Variants in THRB observed in about 807,000 individuals in gnomAD.
The protein encoded by THRB is thyroid hormone receptor beta, also known as nuclear receptor subfamily 1 group A member 2.
In THRB, 12 loss-of-function variants were observed where a neutral mutation model predicts 47.8. The observed-to-expected ratio is 0.25, with a 90% confidence interval of 0.16 to 0.41. THRB has a LOEUF of 0.41. THRB is among the 10% of genes least tolerant of loss of function. The pLI is 1.00. For missense variants in THRB, 348 were observed against 589.2 expected (o/e 0.59, Z 4.24); for synonymous variants, 218 against 212.2 (o/e 1.03, Z -0.24).
At chr3:24,358,801 C>T (rs17014565) in intron 1 of THRB, among the ~76,000 whole-genome samples, 2,020 of 152,202 alleles carry the variant, frequency 0.013, 44 homozygotes, top group African/African-American at 0.043. Flanking sequence ...CTGAACCAGT[C>T]AATCCACTGT....
intron 5 of THRB, among the ~76,000 whole-genome samples, chr3:24,155,948 T>C (rs1345167133): frequency 6.6e-6 from 1 of 152,202 alleles, no homozygotes; most frequent in African/African-American, 2.4e-5. Flanking sequence ...AGTTCAAAAA[T>C]GATATATTTC....
intron 3 of THRB, among the ~76,000 whole-genome samples, chr3:24,238,433 A>ATTCT (rs2049137949): frequency 3.9e-5 from 6 of 152,176 alleles, no homozygotes; most frequent in Non-Finnish European, 7.3e-5. Context: ...ACTGAGACAC[A>ATTCT]TGCATGAAAA....
intron 3 of THRB, among the ~76,000 whole-genome samples, chr3:24,233,560 G>GAAGGAAGGAAGGAAGA (rs1553658178): frequency 1.3e-5 from 1 of 77,302 alleles, no homozygotes; most frequent in Middle Eastern, 6.8e-3. Flanking sequence ...AAAGAAAAAG[G>GAAGGAAGGAAGGAAGA]AAGAAAGAAA....
At chr3:24,489,886 C>T (rs916965857) in intron 1 of THRB, among the ~76,000 whole-genome samples, 1 of 152,166 alleles carries the variant, frequency 6.6e-6, no homozygotes, top group African/African-American at 2.4e-5. Context: ...GGAGAATGAA[C>T]ATTTTAAATC....
rs1043138169 is a variant in THRB, at chr3:24,274,294, T to C, written c.-43+22932A>G. Among the ~76,000 whole-genome samples the C allele has an allele frequency of 3.9e-5, 6 of 152,218 alleles. No individual in the cohort carries two copies. The South Asian group carries it at 1.2e-3, about 31-fold the overall frequency. On this transcript the variant is annotated intron_variant, in intron 3 of 10. Coordinates refer to ENST00000646209, the MANE Select transcript of THRB (RefSeq NM_001354712.2). ...ACAGGCCTAATAATGGTATATACTA[T>C]ATTGAAATACTGTTTATATGGACTT...
chr3:24,254,398 AAAAAG>A lies in THRB; in HGVS notation c.-42-25402_-42-25398del, dbSNP rs1434274881. On this transcript the variant is annotated intron_variant, in intron 3 of 10. Coordinates refer to ENST00000646209, the MANE Select transcript of THRB (RefSeq NM_001354712.2). ...GAGGGAGACTCCATCTTAAAAAAAA[AAAAAG>A]AAAAGAAAACCAAATTTACCTTCCA... is the stretch of plus-strand genomic sequence containing the variant. Among the ~76,000 whole-genome samples the A allele has an allele frequency of 1.3e-4, 19 of 151,730 alleles. 1 individual carries two copies. Among genetic ancestry groups the A allele is most frequent in the Admixed American group, 8.5e-4 (13 of 15,218 alleles).
chr3:24,330,528 C>T (rs928507838), intron 2 of THRB, among the ~76,000 whole-genome samples: 15 of 152,132 alleles, frequency 9.9e-5, no homozygotes, highest in African/African-American at 3.6e-4. Flanking sequence ...CACTACCAAC[C>T]CATCTCTCTC....
At chr3:24,330,343 G>T (rs2061848039) in intron 2 of THRB, among the ~76,000 whole-genome samples, 1 of 152,190 alleles carries the variant, frequency 6.6e-6, no homozygotes, top group Non-Finnish European at 1.5e-5. Context: ...TCATTTCAAG[G>T]GTTCAAATCA....
At chr3:24,266,932 G>C (rs1204387551) in intron 3 of THRB, among the ~76,000 whole-genome samples, 1 of 151,700 alleles carries the variant, frequency 6.6e-6, no homozygotes, top group Admixed American at 6.6e-5. Context: ...GGAGGAGAGA[G>C]GTGGAGGAGA....
At chr3:24,195,764 C>A (rs1559566520) in intron 4 of THRB, among the ~76,000 whole-genome samples, 1 of 152,198 alleles carries the variant, frequency 6.6e-6, no homozygotes, top group Non-Finnish European at 1.5e-5. Flanking sequence ...AAGCCCATTC[C>A]CACAGCAGCA....
chr3:24,282,602 A>T (rs1352055646), intron 3 of THRB, among the ~76,000 whole-genome samples: 1 of 132,382 alleles, frequency 7.6e-6, no homozygotes, highest in Non-Finnish European at 1.5e-5. Context: ...GAACTGAAGG[A>T]AATAGAGACA....
At chr3:24,193,588 G>GT (rs1208125578) in intron 4 of THRB, among the ~76,000 whole-genome samples, 1 of 152,192 alleles carries the variant, frequency 6.6e-6, no homozygotes, top group Non-Finnish European at 1.5e-5. Flanking sequence ...AAAGTCAGGT[G>GT]TTAATTAGAT....
At chr3:24,444,821 T>G (rs911328443) in intron 1 of THRB, among the ~76,000 whole-genome samples, 12 of 152,134 alleles carry the variant, frequency 7.9e-5, no homozygotes, top group African/African-American at 2.9e-4. Context: ...TGACCTCAAG[T>G]GATCCACCTT....
At chr3:24,223,494 T>G (rs1051896514) in intron 4 of THRB, among the ~76,000 whole-genome samples, 1 of 152,078 alleles carries the variant, frequency 6.6e-6, no homozygotes, top group Non-Finnish European at 1.5e-5. Flanking sequence ...TGACCAAAAA[T>G]GCTATGGAAC....
chr3:24,233,178 T>A (rs59593493), intron 3 of THRB, among the ~76,000 whole-genome samples: 1 of 152,166 alleles, frequency 6.6e-6, no homozygotes, highest in African/African-American at 2.4e-5. Context: ...AAGTTATTAT[T>A]GAATCCTCTG....
chr3:24,191,350 T>G (rs779477456), intron 4 of THRB, among the ~76,000 whole-genome samples: 1 of 151,666 alleles, frequency 6.6e-6, no homozygotes, highest in Non-Finnish European at 1.5e-5. Flanking sequence ...CTACTGTTTG[T>G]CAAAATTAGA....
At chr3:24,465,219 C>T (rs939382973) in intron 1 of THRB, among the ~76,000 whole-genome samples, 3 of 151,978 alleles carry the variant, frequency 2.0e-5, no homozygotes, top group East Asian at 1.9e-4. Context: ...GATTTTGGGT[C>T]GATGATTTTG....
At chr3:24,185,503 C>T (rs1447106731) in intron 5 of THRB, among the ~76,000 whole-genome samples, 1 of 152,188 alleles carries the variant, frequency 6.6e-6, no homozygotes, top group East Asian at 1.9e-4. Context: ...GTAACTTGTT[C>T]TTAAAATTAT....
At chr3:24,302,748 A>C (rs540625377) in intron 2 of THRB, among the ~76,000 whole-genome samples, 1 of 152,304 alleles carries the variant, frequency 6.6e-6, no homozygotes, top group East Asian at 1.9e-4. Context: ...ACTTGCCACC[A>C]TCTGGCTTAC....
Sources: gnomAD v4.1 joint callset for allele counts (sites outside exome capture counted in the v4.1 genomes callset) on GRCh38, gnomAD v4.1.1 for gene constraint, MANE v1.5 for transcripts, NCBI Gene and HGNC (gene_info 2026-07-23, HGNC 2026-07-21) for gene names.